Variants in NRG3 observed in about 807,000 individuals in gnomAD.
NRG3 encodes neuregulin 3, also known as pro-neuregulin-3, membrane-bound isoform.
In NRG3, 31 loss-of-function variants were observed where a neutral mutation model predicts 66.9. The ratio of observed to expected loss-of-function variants is 0.46; its 90% confidence interval spans 0.35 to 0.63. The LOEUF (loss-of-function observed/expected upper bound fraction) is 0.63, where lower values mean the gene tolerates loss of function less well. Among genes scored for constraint, NRG3 ranks in the 20% least tolerant of loss-of-function variants. The probability of loss-of-function intolerance (pLI) is 0.00; values close to 1 mark genes in which losing one functional copy is unlikely to be tolerated. For synonymous variants in NRG3, 393 were observed against 359.4 expected, an observed-to-expected ratio of 1.09 and a Z score of -1.06; for missense variants, 910 against 878.9, an observed-to-expected ratio of 1.04 and a Z score of -0.45.
At chr10:82,939,769 T>C (rs1848429375) in intron 4 of NRG3, among the ~76,000 whole-genome samples, 1 of 151,808 alleles carries the variant, frequency 6.6e-6, no homozygotes, top group Non-Finnish European at 1.5e-5. Flanking sequence ...GCGCCCCACC[T>C]TTCAATGTTT....
intron 1 of NRG3, among the ~76,000 whole-genome samples, chr10:81,994,381 A>G (rs1312225577): frequency 1.3e-5 from 2 of 152,074 alleles, no homozygotes; most frequent in Non-Finnish European, 2.9e-5. Flanking sequence ...TTTAAATAAG[A>G]TATTGTGTTA....
At chr10:82,099,830 A>G (rs554508407) in intron 1 of NRG3, among the ~76,000 whole-genome samples, 142 of 151,742 alleles carry the variant, frequency 9.4e-4, no homozygotes, top group African/African-American at 3.4e-3. Flanking sequence ...AAACAAAAAA[A>G]CAACTTAGCT....
chr10:82,655,235 T>C (rs2051746280), intron 2 of NRG3, among the ~76,000 whole-genome samples: 1 of 152,018 alleles, frequency 6.6e-6, no homozygotes, highest in Non-Finnish European at 1.5e-5. Flanking sequence ...AATTGTCACA[T>C]TTAAAAATAT....
chr10:82,150,751 C>A (rs2070683884), intron 1 of NRG3, among the ~76,000 whole-genome samples: 1 of 152,032 alleles, frequency 6.6e-6, no homozygotes, highest in African/African-American at 2.4e-5. Flanking sequence ...TGCTGATGAC[C>A]AATACTATGC....
At chr10:82,848,470 A>T (rs1041591224) in intron 3 of NRG3, among the ~76,000 whole-genome samples, 3 of 152,158 alleles carry the variant, frequency 2.0e-5, no homozygotes, top group African/African-American at 7.2e-5. Context: ...TCTAGGAAGT[A>T]ACTAACTTGC....
At chr10:82,027,081 C>G (rs2062347258) in intron 1 of NRG3, among the ~76,000 whole-genome samples, 1 of 151,980 alleles carries the variant, frequency 6.6e-6, no homozygotes, top group Non-Finnish European at 1.5e-5. Flanking sequence ...AACTTTTTGT[C>G]AAATCAATTT....
chr10:81,965,849 C>A (rs1440272027), intron 1 of NRG3, among the ~76,000 whole-genome samples: 4 of 151,986 alleles, frequency 2.6e-5, no homozygotes, highest in Non-Finnish European at 5.9e-5. Flanking sequence ...TTGTTTCTTT[C>A]TTCTAATCTT....
At chr10:82,127,352 C>G (rs75591221) in intron 1 of NRG3, among the ~76,000 whole-genome samples, 1 of 152,070 alleles carries the variant, frequency 6.6e-6, no homozygotes, top group Non-Finnish European at 1.5e-5. Flanking sequence ...GTTGGCTTCT[C>G]TACCTGCATG....
At chr10:81,973,191 A>G (rs531947116) in intron 1 of NRG3, among the ~76,000 whole-genome samples, 1 of 152,138 alleles carries the variant, frequency 6.6e-6, no homozygotes, top group Non-Finnish European at 1.5e-5. Context: ...GCTAATTGCT[A>G]AAGATAGTGG....
intron 1 of NRG3, among the ~76,000 whole-genome samples, chr10:82,098,054 TACACACAC>T (rs61481796): frequency 0.038 from 5,592 of 146,778 alleles, 139 homozygotes; most frequent in East Asian, 0.076. Context: ...GCCACATATA[TACACACAC>T]ACACACACAC....
At position 82,550,218 on chromosome 10, in the gene NRG3, A is replaced by G. The variant is rs559043960; in HGVS notation, c.954-188359A>G. The stretch of plus-strand genomic sequence containing the variant: ...CTGGAGGGAAAATGGTATATTCAAC[A>G]TTAATAAATATTTAACATTTAAAAA... On this transcript the variant is annotated intron_variant, in intron 2 of 8. Coordinates refer to ENST00000372141, the MANE Select transcript of NRG3 (RefSeq NM_001010848.4). Among the ~76,000 whole-genome samples the G allele has an allele frequency of 5.3e-5, 8 of 152,278 alleles. No individual in the cohort carries two copies. The East Asian group carries it at 1.5e-3, about 29-fold the overall frequency.
At chr10:82,066,829 T>A (rs796803336) in intron 1 of NRG3, among the ~76,000 whole-genome samples, 21 of 152,320 alleles carry the variant, frequency 1.4e-4, no homozygotes, top group African/African-American at 4.8e-4. Flanking sequence ...TTCTTTTTTT[T>A]TTGAGTCATG....
chr10:82,800,697 G>A (rs1049824431), intron 3 of NRG3, among the ~76,000 whole-genome samples: 2 of 152,142 alleles, frequency 1.3e-5, no homozygotes, highest in African/African-American at 4.8e-5. Context: ...TAGGAGATTA[G>A]CAAACAAGCT....
chr10:82,051,281 C>G (rs1189684306), intron 1 of NRG3, among the ~76,000 whole-genome samples: 1 of 151,838 alleles, frequency 6.6e-6, no homozygotes, highest in Non-Finnish European at 1.5e-5. Flanking sequence ...GAGTGGAACT[C>G]AGGAAACCAG....
intron 1 of NRG3, among the ~76,000 whole-genome samples, chr10:82,348,861 G>T (rs868384371): frequency 6.8e-6 from 1 of 148,096 alleles, no homozygotes; most frequent in Non-Finnish European, 1.5e-5. Context: ...TGATTGCATC[G>T]GCTCCTGAGG....
intron 1 of NRG3, among the ~76,000 whole-genome samples, chr10:81,885,704 G>C (rs1474242853): frequency 6.6e-6 from 1 of 152,124 alleles, no homozygotes. Flanking sequence ...CCATGCTGAA[G>C]GATAGGAATA....
At chr10:82,673,143 C>T (rs1333186341) in intron 2 of NRG3, among the ~76,000 whole-genome samples, 4 of 152,212 alleles carry the variant, frequency 2.6e-5, no homozygotes, top group Admixed American at 2.6e-4. Context: ...AGTGTGGGTG[C>T]ATATGAATGA....
At chr10:82,647,346 A>G (rs1162606247) in intron 2 of NRG3, among the ~76,000 whole-genome samples, 4 of 152,092 alleles carry the variant, frequency 2.6e-5, no homozygotes, top group Non-Finnish European at 5.9e-5. Context: ...ATCCTTTTTT[A>G]TGGCTGCATA....
intron 7 of NRG3, among the ~76,000 whole-genome samples, chr10:82,976,797 CT>C (rs1564686759): frequency 6.6e-6 from 1 of 152,038 alleles, no homozygotes; most frequent in Admixed American, 6.5e-5. Context: ...GGTTGCCTTC[CT>C]TATATCCCTT....
Sources: allele counts gnomAD v4.1 joint callset (sites outside exome capture counted in the v4.1 genomes callset), GRCh38; gene constraint gnomAD v4.1.1; transcripts MANE v1.5; gene names NCBI Gene and HGNC (gene_info 2026-07-23, HGNC 2026-07-21).